Variants in LARP7 observed in about 807,000 individuals in gnomAD.
LARP7 encodes la-related protein 7.
Under a neutral mutation model 69.3 loss-of-function variants are expected in LARP7, and 52 were observed. The ratio of observed to expected loss-of-function variants is 0.75; its 90% CI spans 0.60 to 0.95. The LOEUF is 0.95. Among genes scored for constraint, LARP7 ranks in the 40% least tolerant of loss-of-function variants. The pLI is 0.00. For synonymous variants in LARP7, 254 were observed against 215.9 expected, an observed-to-expected ratio of 1.18 and a Z score of -1.55; for missense variants, 733 against 673.0, an observed-to-expected ratio of 1.09 and a Z score of -0.99.
rs1248224408 is a variant in LARP7, at chr4:112,647,398, T to G, written c.846T>G (p.Val282=). Residue 282 remains valine (V), a synonymous_variant, in exon 7 of 13, where the codon GTT becomes GTG. Transcript: ENST00000344442. Reference sequence around the variant, plus strand: ...AGAAAAAGAAAAAACGGGACAGAGTTGAAGCATCTAGCTTACCTGAAGTCA... The same window carrying G: ...AGAAAAAGAAAAAACGGGACAGAGTGGAAGCATCTAGCTTACCTGAAGTCA... ...CSKKKKKRDR[V]EASSLPEVRT... is the part of the protein sequence containing the mutation. 4.3e-6 allele frequency: 7 copies of G among 1,613,884 alleles called. No homozygotes were observed. The highest frequency in any genetic ancestry group is 3.3e-5 in the Admixed American group (2 of 59,988).
intron 9 of LARP7, among the ~76,000 whole-genome samples, chr4:112,650,236 A>G (rs2149277979): frequency 6.6e-6 from 1 of 152,334 alleles, no homozygotes; most frequent in East Asian, 1.9e-4. Flanking sequence ...ATGCTCTTCT[A>G]GCAGTAACAA....
chr4:112,641,402 A>G (rs1163288016), intron 1 of LARP7, among the ~76,000 whole-genome samples: 1 of 152,142 alleles, frequency 6.6e-6, no homozygotes, highest in East Asian at 1.9e-4. Context: ...AAAAAAAAAA[A>G]AAGAAACCTT....
intron 12 of LARP7, among the ~76,000 whole-genome samples, chr4:112,655,728 A>G (rs2048927557): frequency 2.0e-5 from 3 of 152,232 alleles, no homozygotes; most frequent in Admixed American, 1.3e-4. Flanking sequence ...AGACAGAAAA[A>G]TAAAGTGTAT....
chr4:112,648,091 A>G lies in LARP7; in HGVS notation c.1142+257A>G, dbSNP rs765440386. 61 of 587,790 alleles carry G rather than the reference A, an allele frequency of 1.0e-4. 1 individual carries two copies. The East Asian group carries it at 2.4e-3, about 23-fold the overall frequency. The allele number at this position is 587,790 out of a possible 1,614,324, so 36.4% of individuals were successfully genotyped here. The stretch of plus-strand genomic sequence containing the variant: ...TAGAGGGGGCCCCTTAACAGATGTA[A>G]AAATACAAAATAAAGCTTAAATATA... On this transcript the variant is annotated intron_variant, in intron 8 of 12. Coordinates refer to ENST00000344442, the MANE Select transcript of LARP7 (RefSeq NM_016648.4).
chr4:112,648,908 C>A (rs2048549742), intron 8 of LARP7, among the ~76,000 whole-genome samples: 1 of 141,946 alleles, frequency 7.0e-6, no homozygotes, highest in Admixed American at 7.1e-5. Context: ...ACCATTACCA[C>A]AAGATATCTT....
At chr4:112,651,313 GGTTT>G (rs922281266) in intron 10 of LARP7, among the ~76,000 whole-genome samples, 1 of 152,090 alleles carries the variant, frequency 6.6e-6, no homozygotes, top group Non-Finnish European at 1.5e-5. Flanking sequence ...TTGAGGTGGT[GGTTT>G]GTTTATCTGT....
chr4:112,647,727 A>C lies in LARP7; in HGVS notation c.1035A>C (p.Gly345=). 1 of 1,554,130 alleles carries C rather than the reference A, an allele frequency of 6.4e-7. No homozygotes were observed. Among genetic ancestry groups the C allele is most frequent in the Non-Finnish European group, 8.7e-7 (1 of 1,151,132 alleles). The change falls in exon 8 of 13, where the codon GGA becomes GGC. Residue 345 remains glycine, a synonymous_variant. Transcript: ENST00000344442. The stretch of plus-strand genomic sequence containing the variant: ...CTACTGAAGAGGAAAAGGATACTGG[A>C]GATCTAAAAGATAGCTCTCTCTTGA... ...EISTEEEKDT[G]DLKDSSLLKT...
Position 112,644,738 on chromosome 4 carries a change from T to A in LARP7, c.69T>A (p.Val23=). 1 of 1,610,546 alleles carries A rather than the reference T, an allele frequency of 6.2e-7. No homozygotes were observed. The highest frequency in any genetic ancestry group is 2.2e-5 in the East Asian group (1 of 44,708). Residue 23 remains valine (V), a synonymous_variant, in exon 2 of 13, where the codon GTT becomes GTA. Coordinates refer to ENST00000344442, the MANE Select transcript of LARP7 (RefSeq NM_016648.4). ...EEESTEKKKE[V]EKKKRSRVKQ... is the part of the protein sequence containing the mutation. ...AAAGCACTGAAAAGAAAAAAGAAGT[T>A]GAAAAAAAGAAACGGTCACGAGTTA...
Position 112,639,432 on chromosome 4 carries a change from T to G in LARP7, c.-3+2193T>G, listed in dbSNP as rs541900058. 8.5e-5 allele frequency among the ~76,000 whole-genome samples: 13 copies of G among 152,170 alleles called. No homozygotes were observed. The South Asian group carries it at 1.0e-3, about 12-fold the overall frequency. ...TTTTTAGTAGAGACGTGGTCTCACCTTGTTAGCCAGGATGGTCTCCATCTC... is the reference window on the plus strand; with the variant it reads ...TTTTTAGTAGAGACGTGGTCTCACCGTGTTAGCCAGGATGGTCTCCATCTC... On this transcript the variant is annotated intron_variant, in intron 1 of 12. Coordinates refer to ENST00000344442, the MANE Select transcript of LARP7 (RefSeq NM_016648.4).
intron 1 of LARP7, among the ~76,000 whole-genome samples, chr4:112,639,449 C>G (rs960308941): frequency 1.3e-5 from 2 of 151,936 alleles, no homozygotes; most frequent in Admixed American, 6.6e-5. Context: ...CCAGGATGGT[C>G]TCCATCTCCT....
At chr4:112,642,457 G>A (rs1012502078) in intron 1 of LARP7, among the ~76,000 whole-genome samples, 4 of 152,218 alleles carry the variant, frequency 2.6e-5, no homozygotes, top group African/African-American at 9.6e-5. Context: ...TTTAGTTGGA[G>A]ATTTGAGGTG....
intron 8 of LARP7, chr4:112,648,433 ATCCCTTCAAATGAGG>A (rs770686921): frequency 1.9e-6 from 1 of 534,660 alleles, no homozygotes; most frequent in Non-Finnish European, 3.8e-6. Context: ...AGCAAAGGGG[ATCCCTTCAAATGAGG>A]TTAGCGTGTT....
chr4:112,647,170 A>G (rs2048327617), intron 6 of LARP7, 29 bp from the exon 7 acceptor site: 1 of 1,593,786 alleles, frequency 6.3e-7, no homozygotes, highest in Non-Finnish European at 8.5e-7. Flanking sequence ...TTGAAGTAAG[A>G]TGAACTAATA....
intron 10 of LARP7, among the ~76,000 whole-genome samples, chr4:112,650,939 A>C (rs2048701784): frequency 6.6e-6 from 1 of 152,088 alleles, no homozygotes; most frequent in Non-Finnish European, 1.5e-5. Flanking sequence ...AACCTCTTAA[A>C]ATTTTTCACG....
At chr4:112,640,316 G>GT in intron 1 of LARP7, among the ~76,000 whole-genome samples, 1 of 152,196 alleles carries the variant, frequency 6.6e-6, no homozygotes, top group East Asian at 1.9e-4. Context: ...TTTTAAATTT[G>GT]TTTTTTTATT....
rs73841098 is a variant in LARP7 at position 112,652,293 on chromosome 4, T to C, written c.1417-784T>C. The stretch of plus-strand genomic sequence containing the variant: ...AAAGGGAGGCAAGATAAATAAGATT[T>C]CCCCCCCCCCCCCATTTAGCAATCT... On this transcript the variant is annotated intron_variant, in intron 10 of 12. Transcript: ENST00000344442. Among the ~76,000 whole-genome samples the C allele has an allele frequency of 8.9e-3, 861 of 97,170 alleles. 13 individuals are homozygous for C. Among genetic ancestry groups the C allele is most frequent in the African/African-American group, 0.033 (597 of 17,868 alleles). The allele number at this position is 97,170 out of a possible 152,430, so 63.7% of individuals were successfully genotyped here. A position where few individuals can be genotyped will look rare whatever the true frequency, so the allele number is the denominator to read the frequency against.
At chr4:112,645,708 T>G (rs566497025) in intron 2 of LARP7, 14 of 434,356 alleles carry the variant, frequency 3.2e-5, no homozygotes, top group Non-Finnish European at 6.4e-5. Flanking sequence ...TTTTAAGAGA[T>G]ATGGGGTCCC....
chr4:112,640,039 A>G (rs1162925660), intron 1 of LARP7, among the ~76,000 whole-genome samples: 1 of 152,022 alleles, frequency 6.6e-6, no homozygotes, highest in African/African-American at 2.4e-5. Context: ...CCTGGGTTCA[A>G]GCGATTCTCC....
chr4:112,647,593 A>ATTAATTAGTTT, intron 7 of LARP7, 44 bp downstream of exon 7: 2 of 1,471,188 alleles, frequency 1.4e-6, no homozygotes, highest in Admixed American at 2.3e-5. Flanking sequence ...ATTAATTTTA[A>ATTAATTAGTTT]TTAATTAGTT....
Sources: allele counts gnomAD v4.1 joint callset (sites outside exome capture counted in the v4.1 genomes callset), GRCh38; gene constraint gnomAD v4.1.1; transcripts MANE v1.5; gene names NCBI Gene and HGNC (gene_info 2026-07-23, HGNC 2026-07-21).